ARHGAP39: variants seen among roughly 807,000 people sequenced by gnomAD.
ARHGAP39 encodes the protein rho GTPase-activating protein 39.
ARHGAP39 carries 44 observed loss-of-function variants against 106.9 expected under a neutral mutation model. The ratio of observed to expected loss-of-function variants is 0.41; its 90% CI spans 0.32 to 0.53. ARHGAP39 has a LOEUF of 0.53. Ranked by LOEUF, ARHGAP39 falls within the 20% of genes least tolerant of loss-of-function variation. ARHGAP39 has a pLI of 0.21. For synonymous variants in ARHGAP39, 768 were observed against 693.2 expected (o/e 1.11, Z -1.69); for missense variants, 1,496 against 1,577.3 (o/e 0.95, Z 0.87).
At chr8:144,676,793 C>T (rs1014398190) in intron 1 of ARHGAP39, among the ~76,000 whole-genome samples, 1 of 152,264 alleles carries the variant, frequency 6.6e-6, no homozygotes, top group Non-Finnish European at 1.5e-5. Context: ...GCTCTGGCCT[C>T]GGCCAGCCCC....
At chr8:144,530,679 G>C (rs1039958039) in intron 11 of ARHGAP39, 23 bp downstream of exon 11, 37 of 1,560,788 alleles carry the variant, frequency 2.4e-5, no homozygotes, top group Non-Finnish European at 3.0e-5. Context: ...GAAAGCAGCG[G>C]GGACCCCCGG....
chr8:144,588,958 T>C (rs549883381), intron 2 of ARHGAP39, among the ~76,000 whole-genome samples: 1 of 152,210 alleles, frequency 6.6e-6, no homozygotes, highest in East Asian at 1.9e-4. Flanking sequence ...CAGAAGAGGG[T>C]AAGTCCACAG....
chr8:144,699,309 G>C, the ARHGAP39 span: 1 of 70,628 alleles, frequency 1.4e-5, no homozygotes, highest in South Asian at 5.1e-4. Flanking sequence ...GCGCTGTGGG[G>C]CGGGGTGGTG....
At chr8:144,558,011 T>G (rs1818009822) in intron 3 of ARHGAP39, among the ~76,000 whole-genome samples, 1 of 152,230 alleles carries the variant, frequency 6.6e-6, no homozygotes, top group African/African-American at 2.4e-5. Context: ...CGGAGAGACC[T>G]CACTTACGTA....
chr8:144,545,239 A>G lies in ARHGAP39; in HGVS notation c.2521+10T>C, dbSNP rs888942635. The stretch of plus-strand genomic sequence containing the variant: ...CCTGAGCTGGTGGCAAAGCCCGTGC[A>G]TGGCCTTACCTTTAGTGTCATTGAC... On this transcript the variant is annotated intron_variant, in intron 6 of 11. Coordinates refer to ENST00000377307, the MANE Select transcript of ARHGAP39 (RefSeq NM_025251.3). The G allele has an allele frequency of 6.0e-6, 9 of 1,507,802 alleles. No individual in the cohort carries two copies. Among genetic ancestry groups the G allele is most frequent in the Non-Finnish European group, 7.1e-6 (8 of 1,120,436 alleles). 93.4% of individuals were successfully genotyped at this position (1,507,802 alleles called of 1,614,324 possible).
intron 1 of ARHGAP39, among the ~76,000 whole-genome samples, chr8:144,639,038 C>T (rs964151405): frequency 8.5e-5 from 13 of 152,176 alleles, no homozygotes; most frequent in Non-Finnish European, 1.2e-4. Flanking sequence ...AAATTACCTT[C>T]GGCACGGGCC....
intron 3 of ARHGAP39, among the ~76,000 whole-genome samples, chr8:144,571,504 T>C (rs1818585986): frequency 1.3e-5 from 2 of 152,200 alleles, no homozygotes; most frequent in South Asian, 2.1e-4. Context: ...ATAAGAGCCA[T>C]AAATAATGAC....
At chr8:144,594,037 C>T (rs554368863) in intron 2 of ARHGAP39, among the ~76,000 whole-genome samples, 35 of 144,170 alleles carry the variant, frequency 2.4e-4, no homozygotes, top group Non-Finnish European at 4.3e-4. Flanking sequence ...TGCAATGAGC[C>T]GAGATCACAG....
At chr8:144,662,292 C>T (rs924285070) in intron 1 of ARHGAP39, among the ~76,000 whole-genome samples, 6 of 146,248 alleles carry the variant, frequency 4.1e-5, no homozygotes, top group African/African-American at 1.0e-4. Flanking sequence ...CCCGACTCCC[C>T]GTTTATCCAC....
chr8:144,595,044 A>G lies in ARHGAP39; in HGVS notation c.80+10491T>C, dbSNP rs1819559003. On this transcript the variant is annotated intron_variant, in intron 2 of 11. Coordinates refer to ENST00000377307, the MANE Select transcript of ARHGAP39 (RefSeq NM_025251.3). The stretch of plus-strand genomic sequence containing the variant: ...CAAGTACCAACCTTTCTCAAAAATA[A>G]TAAAACCCCACAGAGTTACCACCTG... Among the ~76,000 whole-genome samples the G allele has an allele frequency of 1.3e-5, 2 of 152,220 alleles. 1 individual carries two copies. Among genetic ancestry groups the G allele is most frequent in the South Asian group, 4.1e-4 (2 of 4,826 alleles).
At chr8:144,601,827 G>C (rs1205107046) in intron 2 of ARHGAP39, among the ~76,000 whole-genome samples, 6 of 146,018 alleles carry the variant, frequency 4.1e-5, no homozygotes, top group African/African-American at 1.3e-4. Context: ...AGGCGTGTGT[G>C]CTCGTGTACC....
intron 5 of ARHGAP39, among the ~76,000 whole-genome samples, chr8:144,546,604 A>G (rs1817432768): frequency 6.6e-6 from 1 of 152,230 alleles, no homozygotes; most frequent in Non-Finnish European, 1.5e-5. Context: ...TCTAGCCTCC[A>G]TCAGCTCCAG....
At chr8:144,590,678 G>C (rs1225366147) in intron 2 of ARHGAP39, among the ~76,000 whole-genome samples, 2 of 152,108 alleles carry the variant, frequency 1.3e-5, no homozygotes, top group Admixed American at 1.3e-4. Context: ...CAGAAGGCTG[G>C]GGGGGCAGCG....
intron 1 of ARHGAP39, among the ~76,000 whole-genome samples, chr8:144,652,374 C>G (rs956355930): frequency 1.3e-5 from 2 of 152,126 alleles, no homozygotes; most frequent in African/African-American, 4.8e-5. Context: ...AAGCTAAAAG[C>G]AGAACTATCA....
intron 8 of ARHGAP39, among the ~76,000 whole-genome samples, chr8:144,533,814 T>A (rs2721179): frequency 6.6e-6 from 1 of 151,876 alleles, no homozygotes; most frequent in African/African-American, 2.4e-5. Context: ...GAGAAGAGGA[T>A]GTGGGGAAGG....
chr8:144,539,091 C>T (rs979351732), intron 6 of ARHGAP39, among the ~76,000 whole-genome samples: 11 of 152,024 alleles, frequency 7.2e-5, no homozygotes, highest in East Asian at 1.9e-4. Context: ...AACTCTGGAT[C>T]GTTTTAATGG....
chr8:144,545,842 G>A, intron 5 of ARHGAP39, 32 bp from the exon 6 acceptor site: 4 of 1,420,996 alleles, frequency 2.8e-6, no homozygotes, highest in Non-Finnish European at 2.8e-6. Flanking sequence ...GGGCTGTTGG[G>A]GGTGGGGGAG....
intron 1 of ARHGAP39, among the ~76,000 whole-genome samples, chr8:144,608,914 G>A (rs759896697): frequency 1.3e-5 from 2 of 152,122 alleles, no homozygotes; most frequent in Non-Finnish European, 2.9e-5. Context: ...ATTTGATCTT[G>A]TAACCTTGAT....
chr8:144,590,897 G>A (rs1456952499), intron 2 of ARHGAP39, among the ~76,000 whole-genome samples: 3 of 152,056 alleles, frequency 2.0e-5, no homozygotes, highest in Admixed American at 1.3e-4. Context: ...GGGTGAGGTC[G>A]CCCTGAACCC....
Sources: gnomAD v4.1 joint callset for allele counts (sites outside exome capture counted in the v4.1 genomes callset) on GRCh38, gnomAD v4.1.1 for gene constraint, MANE v1.5 for transcripts, NCBI Gene and HGNC (gene_info 2026-07-23, HGNC 2026-07-21) for gene names.